The following GTPBP10 variants were observed in gnomAD, a reference collection of about 807,000 sequenced individuals.
GTPBP10 encodes GTP binding protein 10.
In GTPBP10, 38 loss-of-function variants were observed where a neutral mutation model predicts 44.8. The observed-to-expected ratio is 0.85, with a 90% CI of 0.65 to 1.11. The LOEUF is 1.11. Ranked by LOEUF, GTPBP10 falls within the 50% of genes most tolerant of loss-of-function variation. The probability of loss-of-function intolerance (pLI) is 0.00; values close to 1 mark genes in which losing one functional copy is unlikely to be tolerated. For synonymous variants in GTPBP10, 152 were observed against 150.6 expected, an observed-to-expected ratio of 1.01 and a Z score of -0.07; for missense variants, 462 against 453.7, an observed-to-expected ratio of 1.02 and a Z score of -0.17.
chr7:90,379,203 C>T (rs1019320741), intron 8 of GTPBP10, among the ~76,000 whole-genome samples: 1 of 152,202 alleles, frequency 6.6e-6, no homozygotes, highest in African/African-American at 2.4e-5. Context: ...TCCTAAATCT[C>T]TCTGAAATCC....
At chr7:90,379,241 T>A (rs992953669) in intron 8 of GTPBP10, among the ~76,000 whole-genome samples, 3 of 152,204 alleles carry the variant, frequency 2.0e-5, no homozygotes, top group African/African-American at 7.2e-5. Context: ...TACGCTGTTA[T>A]AATCATCAGC....
At chr7:90,350,569 T>G (rs2115594622) in intron 1 of GTPBP10, among the ~76,000 whole-genome samples, 1 of 152,362 alleles carries the variant, frequency 6.6e-6, no homozygotes, top group East Asian at 1.9e-4. Flanking sequence ...ACATTCCTTT[T>G]GCTTTTAAGT....
intron 6 of GTPBP10, among the ~76,000 whole-genome samples, chr7:90,376,016 G>A (rs1796339372): frequency 6.6e-6 from 1 of 151,600 alleles, no homozygotes; most frequent in Non-Finnish European, 1.5e-5. Flanking sequence ...CACGAGGTTA[G>A]GAGATCGAGA....
intron 4 of GTPBP10, among the ~76,000 whole-genome samples, chr7:90,360,221 A>G (rs964967393): frequency 3.3e-5 from 5 of 152,146 alleles, no homozygotes; most frequent in Non-Finnish European, 5.9e-5. Flanking sequence ...GCCCATGCCT[A>G]TGTCCTGAAT....
chr7:90,354,636 G>C (rs1038131346), intron 3 of GTPBP10, 87 bp downstream of exon 3: 55 of 687,682 alleles, frequency 8.0e-5, no homozygotes, highest in Middle Eastern at 2.8e-4. Flanking sequence ...AGTTTCAGAA[G>C]ATTTTTTAAC....
intron 8 of GTPBP10, among the ~76,000 whole-genome samples, chr7:90,381,298 T>C (rs1039766562): frequency 6.6e-6 from 1 of 152,222 alleles, no homozygotes; most frequent in Non-Finnish European, 1.5e-5. Context: ...CAACACTTGT[T>C]ATCTTTTGTC....
chr7:90,366,025 G>A lies in GTPBP10; in HGVS notation c.465-6130G>A, dbSNP rs143937821. ...TTTCTGCATCTATTGAGATAATCAT[G>A]TGGTTTTTGTCGTTGCTTCTGTTTA... is the stretch of plus-strand genomic sequence containing the variant. On this transcript the variant is annotated intron_variant, in intron 4 of 9. Transcript: ENST00000222511. Among the ~76,000 whole-genome samples, 580 of 152,314 alleles carry A rather than the reference G, an allele frequency of 3.8e-3. 3 individuals are homozygous for A. Among genetic ancestry groups the A allele is most frequent in the African/African-American group, 0.013 (549 of 41,572 alleles).
chr7:90,347,902 A>G (rs926491580), intron 1 of GTPBP10, among the ~76,000 whole-genome samples: 4 of 152,204 alleles, frequency 2.6e-5, no homozygotes, highest in African/African-American at 9.7e-5. Context: ...CAGAGCAAAG[A>G]GGAAGAGAGG....
rs547864793 is a variant in GTPBP10, at chr7:90,380,225, T to A, written c.777+2014T>A. 5.4e-4 allele frequency among the ~76,000 whole-genome samples: 82 copies of A among 152,102 alleles called. 1 individual carries two copies. Among genetic ancestry groups the A allele is most frequent in the Admixed American group, 2.0e-4 (3 of 15,274 alleles). On this transcript the variant is annotated intron_variant, in intron 8 of 9. Transcript: ENST00000222511. ...TCCCCAGTAGCTGGGATTACAGGCA[T>A]GTGCCACCACGCCCATCTAATTTTT...
chr7:90,361,114 A>G (rs1796010840), intron 4 of GTPBP10, among the ~76,000 whole-genome samples: 2 of 152,284 alleles, frequency 1.3e-5, no homozygotes, highest in South Asian at 4.1e-4. Context: ...TCCTAATTGA[A>G]TACCCTTTAT....
At chr7:90,359,829 G>A (rs1562955339) in intron 4 of GTPBP10, among the ~76,000 whole-genome samples, 5 of 152,262 alleles carry the variant, frequency 3.3e-5, no homozygotes, top group Admixed American at 3.3e-4. Context: ...TTTAAGGATC[G>A]CCATTCTAAC....
At position 90,386,710 on chromosome 7, in the gene GTPBP10, A is replaced by G. The variant is rs1053399220; in HGVS notation, c.*1556A>G. On this transcript the variant is annotated 3_prime_UTR_variant, in exon 10 of 10. Coordinates refer to ENST00000222511, the MANE Select transcript of GTPBP10 (RefSeq NM_033107.4). Reference sequence around the variant, plus strand: ...AACAGAAAACGCAAACTTTAATATTATCAACAATCAATATATTATAAGAGA... The same window carrying G: ...AACAGAAAACGCAAACTTTAATATTGTCAACAATCAATATATTATAAGAGA... 6.6e-6 allele frequency: 1 copy of G among 152,216 alleles called. No homozygotes were observed. The highest frequency in any genetic ancestry group is 1.5e-5 in the Non-Finnish European group (1 of 68,038). The allele number at this position is 152,216 out of a possible 1,614,324, so 9.4% of individuals were successfully genotyped here.
At chr7:90,364,201 G>A (rs769892977) in intron 4 of GTPBP10, among the ~76,000 whole-genome samples, 4 of 152,188 alleles carry the variant, frequency 2.6e-5, no homozygotes, top group Non-Finnish European at 5.9e-5. Flanking sequence ...TTTGGAGGGG[G>A]AGAGGTGCTC....
rs1362187365 is a variant in GTPBP10 at position 90,389,451 on chromosome 7, A to T, written c.*4297A>T. 6.6e-6 allele frequency: 1 copy of T among 151,450 alleles called. No homozygotes were observed. Among genetic ancestry groups the T allele is most frequent in the African/African-American group, 2.4e-5 (1 of 41,166 alleles). The allele number at this position is 151,450 out of a possible 1,614,324, so 9.4% of individuals were successfully genotyped here. On this transcript the variant is annotated 3_prime_UTR_variant, in exon 10 of 10. Coordinates refer to ENST00000222511, the MANE Select transcript of GTPBP10 (RefSeq NM_033107.4). ...TGCCAGGCTGGAGTGCAGTGACATT[A>T]TCTTGGCTCACTGCAGCCTCTGATT...
chr7:90,346,850 C>A, intron 1 of GTPBP10, 76 bp downstream of exon 1: 2 of 1,496,820 alleles, frequency 1.3e-6, no homozygotes, highest in Non-Finnish European at 1.9e-6. Context: ...TGTCTCTCCA[C>A]TACTGTCTTC....
chr7:90,375,491 A>G (rs1167104492), intron 6 of GTPBP10, among the ~76,000 whole-genome samples: 1 of 152,200 alleles, frequency 6.6e-6, no homozygotes, highest in Non-Finnish European at 1.5e-5. Flanking sequence ...AAACATAAAA[A>G]AGTATTTGGT....
intron 6 of GTPBP10, among the ~76,000 whole-genome samples, chr7:90,375,595 T>TA (rs1474090065): frequency 1.3e-5 from 2 of 152,162 alleles, no homozygotes; most frequent in Non-Finnish European, 2.9e-5. Context: ...ATAATATGAA[T>TA]ATATAGAACA....
At chr7:90,364,351 A>G (rs1796089681) in intron 4 of GTPBP10, among the ~76,000 whole-genome samples, 1 of 152,132 alleles carries the variant, frequency 6.6e-6, no homozygotes, top group Non-Finnish European at 1.5e-5. Context: ...TTTTCCTTCT[A>G]ACAGTCAGGA....
chr7:90,362,514 C>T (rs1213581651), intron 4 of GTPBP10, among the ~76,000 whole-genome samples: 1 of 152,156 alleles, frequency 6.6e-6, no homozygotes, highest in African/African-American at 2.4e-5. Flanking sequence ...CTTGTAATTT[C>T]TGTTCTTTTA....
Sources: allele counts gnomAD v4.1 joint callset (sites outside exome capture counted in the v4.1 genomes callset), GRCh38; gene constraint gnomAD v4.1.1; transcripts MANE v1.5; gene names NCBI Gene and HGNC (gene_info 2026-07-23, HGNC 2026-07-21).